Variants in ZFYVE16 observed in about 807,000 individuals in gnomAD.
ZFYVE16 encodes the protein zinc finger FYVE domain-containing protein 16.
In ZFYVE16, 89 loss-of-function variants were observed where a neutral mutation model predicts 138.1. That is an observed-to-expected ratio of 0.64 (90% CI 0.54 to 0.77). ZFYVE16 has a LOEUF of 0.77. Ranked by LOEUF, ZFYVE16 falls within the 30% of genes least tolerant of loss-of-function variation. The probability of loss-of-function intolerance (pLI) is 0.00; values close to 1 mark genes in which losing one functional copy is unlikely to be tolerated. For synonymous variants in ZFYVE16, 596 were observed against 618.3 expected, an observed-to-expected ratio of 0.96 and a Z score of 0.53; for missense variants, 1,793 against 1,786.7, an observed-to-expected ratio of 1.00 and a Z score of -0.06.
At chr5:80,411,697 A>G (rs1745482590) in intron 1 of ZFYVE16, 1 of 152,226 alleles carries the variant, frequency 6.6e-6, no homozygotes, top group Non-Finnish European at 1.5e-5. Flanking sequence ...ATCTTTATCT[A>G]TCTCAGACTT....
intron 18 of ZFYVE16, among the ~76,000 whole-genome samples, chr5:80,475,404 C>T (rs774429826): frequency 3.3e-5 from 5 of 152,228 alleles, no homozygotes; most frequent in African/African-American, 4.8e-5. Flanking sequence ...CTCCAGACTA[C>T]AATGTAAATG....
chr5:80,450,556 T>C lies in ZFYVE16; in HGVS notation c.3352T>C (p.Phe1118Leu). 4 of 1,613,568 alleles carry C rather than the reference T, an allele frequency of 2.5e-6. No individual in the cohort carries two copies. Among genetic ancestry groups the C allele is most frequent in the Non-Finnish European group, 3.4e-6 (4 of 1,179,726 alleles). ...DTIPKDIFRL[F>L]ITIYKDALKG... ...TATTCCTAAGGACATCTTCAGACTA[T>C]TTATCACCATATATAAGGATGCTCT... The change falls in exon 10 of 19, where the codon TTT (phenylalanine) becomes CTT (leucine). Residue 1118 changes from phenylalanine (F) to leucine (L), a missense_variant. Phe to Leu is a conservative substitution (Grantham distance 22, BLOSUM62 0). This residue lies in a region of ZFYVE16 where 498 missense variants were observed against 582.4 expected (regional missense o/e 0.86). Transcript: ENST00000505560.
chr5:80,429,830 T>A (rs975289297), intron 2 of ZFYVE16, among the ~76,000 whole-genome samples: 22 of 52,176 alleles, frequency 4.2e-4, no homozygotes, highest in African/African-American at 7.2e-4. Context: ...CCAACAAAGA[T>A]CAAAAGAGAC....
In ZFYVE16 at chr5:80,451,661, A is replaced by G. The variant is rs1356687238; in HGVS notation, c.3559A>G (p.Lys1187Glu). The G allele has an allele frequency of 6.2e-7, 1 of 1,613,910 alleles. No homozygotes were observed. Among genetic ancestry groups the G allele is most frequent in the East Asian group, 2.2e-5 (1 of 44,808 alleles). The change falls in exon 11 of 19, where the codon AAG (lysine) becomes GAG (glutamate). Residue 1187 changes from lysine to glutamate, a missense_variant. Transcript: ENST00000505560. ...LIQKLEIPWA[K>E]VFPMRLMLRL... is the part of the protein sequence containing the mutation. ...CCAGAAGCTTGAGATTCCCTGGGCA[A>G]AGGTTTTTCCTATGCGTTTAATGTT...
intron 3 of ZFYVE16, among the ~76,000 whole-genome samples, chr5:80,436,411 G>A (rs561464637): frequency 2.0e-5 from 3 of 152,190 alleles, no homozygotes; most frequent in Non-Finnish European, 2.9e-5. Flanking sequence ...AAGGACATTC[G>A]TTTATGCAGT....
rs1252340165 is a variant in ZFYVE16 at position 80,481,370 on chromosome 5, C to G, written c.*3993C>G. Among the ~76,000 whole-genome samples the G allele has an allele frequency of 6.6e-6, 1 of 152,138 alleles. No homozygotes were observed. Among genetic ancestry groups the G allele is most frequent in the Non-Finnish European group, 1.5e-5 (1 of 68,024 alleles). Reference sequence around the variant, plus strand: ...GAACCCTTAAATCTGTCAATAAAATCCTGGGATCATCTCACAAGCTGTGTA... The same window carrying G: ...GAACCCTTAAATCTGTCAATAAAATGCTGGGATCATCTCACAAGCTGTGTA... On this transcript the variant is annotated 3_prime_UTR_variant, in exon 19 of 19. Coordinates refer to ENST00000505560, the MANE Select transcript of ZFYVE16 (RefSeq NM_001284236.3).
rs1755128676 is a variant in ZFYVE16 at position 80,478,783 on chromosome 5, G to A, written c.*1406G>A. On this transcript the variant is annotated 3_prime_UTR_variant, in exon 19 of 19. Transcript: ENST00000505560. ...TCAGTTTGGGCATATAGTTTGGACT[G>A]AATCACATCTGTAGTACTTAGCCAA... The A allele has an allele frequency of 6.6e-6, 1 of 152,110 alleles. No homozygotes were observed. The highest frequency in any genetic ancestry group is 2.4e-5 in the African/African-American group (1 of 41,426). The allele number at this position is 152,110 out of a possible 1,614,324, so 9.4% of individuals were successfully genotyped here. A position where few individuals can be genotyped will look rare whatever the true frequency, so the allele number is the denominator to read the frequency against.
In ZFYVE16 at chr5:80,447,941, A is replaced by G; in HGVS notation, c.2725-85A>G. The G allele has an allele frequency of 1.1e-5, 13 of 1,193,234 alleles. 1 individual carries two copies. Among genetic ancestry groups the G allele is most frequent in the Non-Finnish European group, 1.2e-5 (11 of 893,694 alleles). 73.9% of individuals were successfully genotyped at this position (1,193,234 alleles called of 1,614,324 possible). On this transcript the variant is annotated intron_variant, in intron 7 of 18. Transcript: ENST00000505560. ...GTTTTTATTTATTCTTATTAAAAAG[A>G]TATGTTTGGCTATAGTGATCTCATT...
rs1750241619 is a variant in ZFYVE16, at chr5:80,438,375, A to T, written c.1690A>T (p.Ile564Leu). ...VNDSKSQMNQIDMKGLDDGNI... is the reference protein window; with the variant it reads ...VNDSKSQMNQLDMKGLDDGNI... ...TGACTCTAAATCGCAAATGAATCAG[A>T]TAGATATGAAAGGCTTAGATGATGG... Residue 564 changes from isoleucine to leucine, a missense_variant, in exon 4 of 19, where the codon ATA becomes TTA. Physicochemically the swap from Ile to Leu is conservative, Grantham distance 5. Coordinates refer to ENST00000505560, the MANE Select transcript of ZFYVE16 (RefSeq NM_001284236.3). The T allele has an allele frequency of 6.2e-7, 1 of 1,613,796 alleles. No homozygotes were observed. Among genetic ancestry groups the T allele is most frequent in the Non-Finnish European group, 8.5e-7 (1 of 1,179,902 alleles).
chr5:80,408,501 G>T (rs1397943651), intron 1 of ZFYVE16, among the ~76,000 whole-genome samples: 1 of 152,246 alleles, frequency 6.6e-6, no homozygotes, highest in African/African-American at 2.4e-5. Flanking sequence ...GCGCCCTGGC[G>T]CCGCCGTCCC....
intron 15 of ZFYVE16, among the ~76,000 whole-genome samples, chr5:80,466,507 G>T (rs1753767321): frequency 6.6e-6 from 1 of 151,872 alleles, no homozygotes; most frequent in Non-Finnish European, 1.5e-5. Flanking sequence ...CTCATACTTT[G>T]ATTCTTTAGA....
chr5:80,461,246 C>T (rs767115419), intron 15 of ZFYVE16, among the ~76,000 whole-genome samples: 1 of 152,188 alleles, frequency 6.6e-6, no homozygotes, highest in African/African-American at 2.4e-5. Context: ...ATCTGAAACA[C>T]TTCTGGCCCT....
chr5:80,414,097 C>T (rs1745856364), intron 1 of ZFYVE16, among the ~76,000 whole-genome samples: 1 of 152,068 alleles, frequency 6.6e-6, no homozygotes, highest in African/African-American at 2.4e-5. Flanking sequence ...TTTTGTTTTT[C>T]CTAGTTAATA....
intron 6 of ZFYVE16, 82 bp downstream of exon 6, chr5:80,443,366 A>G (rs1750934543): frequency 2.8e-6 from 4 of 1,453,338 alleles, no homozygotes; most frequent in South Asian, 1.3e-5. Flanking sequence ...TCTAGTCAGG[A>G]AAGAGAAACC....
intron 15 of ZFYVE16, among the ~76,000 whole-genome samples, chr5:80,466,441 A>G (rs1406193335): frequency 6.6e-6 from 1 of 152,032 alleles, no homozygotes; most frequent in Non-Finnish European, 1.5e-5. Context: ...TTTTTTTCTT[A>G]CAATTTTGTA....
chr5:80,409,779 G>T (rs1033372770), intron 1 of ZFYVE16: 6 of 152,192 alleles, frequency 3.9e-5, no homozygotes, highest in Admixed American at 6.5e-5. Flanking sequence ...AGGCTCCTGG[G>T]GACATCCAGG....
At position 80,477,361 on chromosome 5, in the gene ZFYVE16, T is replaced by C. The variant is rs762558875; in HGVS notation, c.4604T>C (p.Ile1535Thr). ...GAAATAGAATTAGTGTTTTTCATTA[T>C]AGAACATCTTTTTTAGTGAAAGAAT... ...PLEIELVFFIIEHLF is the reference protein window; with the variant it reads ...PLEIELVFFITEHLF The change falls in exon 19 of 19, where the codon ATA becomes ACA. Residue 1535 changes from isoleucine to threonine, a missense_variant. By Grantham distance (89) the Ile-to-Thr change is moderately conservative (BLOSUM62 -1). Transcript: ENST00000505560. The C allele has an allele frequency of 1.2e-6, 2 of 1,605,042 alleles. No individual in the cohort carries two copies. Among genetic ancestry groups the C allele is most frequent in the Admixed American group, 3.4e-5 (2 of 58,152 alleles).
chr5:80,450,613 A>T (rs1561301140), intron 10 of ZFYVE16, 27 bp downstream of exon 10: 1 of 1,599,824 alleles, frequency 6.3e-7, no homozygotes, highest in African/African-American at 1.3e-5. Context: ...TGAACTGTTC[A>T]GACTGGGGAA....
intron 2 of ZFYVE16, among the ~76,000 whole-genome samples, chr5:80,433,431 C>A (rs1480022525): frequency 6.6e-6 from 1 of 152,072 alleles, no homozygotes; most frequent in East Asian, 1.9e-4. Context: ...ACACCAGGGC[C>A]TGTCGTGGTG....
Sources: allele counts gnomAD v4.1 joint callset (sites outside exome capture counted in the v4.1 genomes callset), GRCh38; gene constraint gnomAD v4.1.1; regional missense constraint gnomAD v4.1.1; transcripts MANE v1.5; gene names NCBI Gene and HGNC (gene_info 2026-07-23, HGNC 2026-07-21).